Variants in KDM4B observed in about 807,000 individuals in gnomAD.
KDM4B encodes the protein lysine-specific demethylase 4B.
Under a neutral mutation model 125.2 loss-of-function variants are expected in KDM4B, and 32 were observed. The ratio of observed to expected loss-of-function variants is 0.26; its 90% CI spans 0.19 to 0.34. The LOEUF (loss-of-function observed/expected upper bound fraction) is 0.34. Among genes scored for constraint, KDM4B ranks in the 10% least tolerant of loss-of-function variants. The pLI is 1.00. For missense variants in KDM4B, 1,190 were observed against 1,577.7 expected (o/e 0.75, Z 4.16); for synonymous variants, 721 against 677.9 (o/e 1.06, Z -0.99).
Position 5,151,438 on chromosome 19 carries a change from G to C in KDM4B, c.3218G>C (p.Gly1073Ala), listed in dbSNP as rs1017139767. 3 of 1,557,086 alleles carry C rather than the reference G, an allele frequency of 1.9e-6. No homozygotes were observed. Among genetic ancestry groups the C allele is most frequent in the Non-Finnish European group, 2.6e-6 (3 of 1,154,438 alleles). Residue 1073 changes from glycine to alanine, a missense_variant, in exon 23 of 23, where the codon GGG becomes GCG. Transcript: ENST00000159111. ...ACCCCGCTTGCCACGGAGGACTCCG[G>C]GCGGAGCCAGGACTACGTGGCCTTC... is the stretch of plus-strand genomic sequence containing the variant. ...VGTPLATEDSGRSQDYVAFVE... is the reference protein window; with the variant it reads ...VGTPLATEDSARSQDYVAFVE...
chr19:5,039,941 T>C lies in KDM4B; in HGVS notation c.247T>C (p.Phe83Leu), dbSNP rs762560855. The change falls in exon 4 of 23, where the codon TTC becomes CTC. Residue 83 changes from phenylalanine to leucine, a missense_variant. Physicochemically the swap from Phe to Leu is conservative, Grantham distance 22 (BLOSUM62 0). Transcript: ENST00000159111. ...GGTGGTGACGGGCCAGTCGGGCCTC[T>C]TCACGCAGTACAATATCCAGAAGAA... ...QQVVTGQSGL[F>L]TQYNIQKKAM... 1 of 1,612,966 alleles carries C rather than the reference T, an allele frequency of 6.2e-7. No individual in the cohort carries two copies. The highest frequency in any genetic ancestry group is 8.5e-7 in the Non-Finnish European group (1 of 1,179,908).
At chr19:5,144,549 G>T in intron 20 of KDM4B, 137 bp downstream of exon 20, 2 of 914,720 alleles carry the variant, frequency 2.2e-6, no homozygotes, top group South Asian at 2.2e-5. Context: ...CCCTTCATGG[G>T]GTCCCCTTGT....
chr19:5,151,070 A>G (rs2039938695), intron 22 of KDM4B, among the ~76,000 whole-genome samples: 1 of 152,142 alleles, frequency 6.6e-6, no homozygotes, highest in Non-Finnish European at 1.5e-5. Context: ...TCCCTCGGAA[A>G]ACAGATGGGA....
intron 1 of KDM4B, among the ~76,000 whole-genome samples, chr19:5,002,914 G>C (rs534578822): frequency 6.6e-6 from 1 of 152,308 alleles, no homozygotes; most frequent in South Asian, 2.1e-4. Flanking sequence ...TCACACCACT[G>C]TACTCCAGCC....
chr19:5,021,154 A>AAAG (rs72528567), intron 2 of KDM4B, among the ~76,000 whole-genome samples: 46,075 of 147,968 alleles, frequency 0.31, 7,505 homozygotes, highest in Non-Finnish European at 0.34. Flanking sequence ...AAAAAAAAAA[A>AAAG]AAAGAAAGAA....
intron 11 of KDM4B, among the ~76,000 whole-genome samples, chr19:5,121,195 C>T (rs1269566878): frequency 1.3e-5 from 2 of 152,272 alleles, no homozygotes; most frequent in East Asian, 3.9e-4. Context: ...CACAGTTTGC[C>T]AGTGCCTGTG....
intron 9 of KDM4B, among the ~76,000 whole-genome samples, chr19:5,109,411 T>C (rs2039095657): frequency 6.6e-6 from 1 of 152,260 alleles, no homozygotes; most frequent in South Asian, 2.1e-4. Context: ...AGAACATCCT[T>C]CCCAGTGCCC....
chr19:5,092,668 C>G (rs1478225982), intron 9 of KDM4B, among the ~76,000 whole-genome samples: 1 of 152,130 alleles, frequency 6.6e-6, no homozygotes, highest in Admixed American at 6.5e-5. Flanking sequence ...AGCGGGTCTG[C>G]TTACGGGGTC....
intron 11 of KDM4B, among the ~76,000 whole-genome samples, chr19:5,129,091 T>C (rs1360397987): frequency 6.6e-6 from 1 of 152,176 alleles, no homozygotes; most frequent in Non-Finnish European, 1.5e-5. Context: ...TCGCCTGTCC[T>C]TCTTGAGAAA....
intron 11 of KDM4B, 89 bp from the exon 12 acceptor site, chr19:5,130,987 C>A: frequency 2.0e-6 from 2 of 1,000,904 alleles, no homozygotes; most frequent in Non-Finnish European, 2.9e-6. Context: ...CTCGACCATC[C>A]CAGTCAAAGT....
intron 9 of KDM4B, among the ~76,000 whole-genome samples, chr19:5,099,765 C>A (rs1232650320): frequency 6.6e-6 from 1 of 152,204 alleles, no homozygotes; most frequent in African/African-American, 2.4e-5. Context: ...GCTCCCTCAC[C>A]CCTTCTACCA....
chr19:5,118,545 C>T (rs1486058972), intron 10 of KDM4B, among the ~76,000 whole-genome samples: 4 of 152,120 alleles, frequency 2.6e-5, no homozygotes, highest in Non-Finnish European at 4.4e-5. Flanking sequence ...AGCCAGGCCT[C>T]GGCTTCTCTG....
intron 9 of KDM4B, among the ~76,000 whole-genome samples, chr19:5,097,133 T>C (rs889053063): frequency 1.3e-5 from 2 of 151,858 alleles, no homozygotes; most frequent in Non-Finnish European, 2.9e-5. Flanking sequence ...GGGAAGGAGG[T>C]GAATGGTAAC....
intron 11 of KDM4B, among the ~76,000 whole-genome samples, chr19:5,124,415 T>A (rs2039415465): frequency 1.3e-5 from 2 of 151,864 alleles, no homozygotes; most frequent in South Asian, 4.2e-4. Context: ...CTGGTCAGAG[T>A]CTGTCCTGGG....
At chr19:5,039,372 G>T (rs572809961) in intron 3 of KDM4B, among the ~76,000 whole-genome samples, 116 of 152,220 alleles carry the variant, frequency 7.6e-4, no homozygotes, top group East Asian at 3.1e-3. Context: ...GGAGGATCAC[G>T]TGAGTCCAGG....
At chr19:4,994,224 G>A (rs1420850981) in intron 1 of KDM4B, among the ~76,000 whole-genome samples, 1 of 151,388 alleles carries the variant, frequency 6.6e-6, no homozygotes, top group East Asian at 2.0e-4. Context: ...GGGATTACAG[G>A]TGTGAGCCAC....
intron 21 of KDM4B, among the ~76,000 whole-genome samples, chr19:5,148,135 T>A (rs1007934375): frequency 6.6e-6 from 1 of 152,230 alleles, no homozygotes; most frequent in Non-Finnish European, 1.5e-5. Flanking sequence ...GGGCAAGACG[T>A]CACCACAGGG....
intron 2 of KDM4B, among the ~76,000 whole-genome samples, chr19:5,020,208 GGTGTGCAGGTGTTA>G (rs1349636902): frequency 3.4e-5 from 5 of 148,864 alleles, no homozygotes; most frequent in Non-Finnish European, 7.4e-5. Context: ...TGTGGATATT[GGTGTGCAGGTGTTA>G]GTGTGCAGGT....
At chr19:5,091,702 C>G (rs1010123251) in intron 9 of KDM4B, among the ~76,000 whole-genome samples, 4 of 141,724 alleles carry the variant, frequency 2.8e-5, no homozygotes, top group Non-Finnish European at 4.7e-5. Flanking sequence ...GTGATTAACC[C>G]GGAGCCCAGG....
Sources: allele counts gnomAD v4.1 joint callset (sites outside exome capture counted in the v4.1 genomes callset), GRCh38; gene constraint gnomAD v4.1.1; transcripts MANE v1.5; gene names NCBI Gene and HGNC (gene_info 2026-07-23, HGNC 2026-07-21).